AIG1: variants seen among roughly 807,000 people sequenced by gnomAD.
AIG1 encodes androgen-induced gene 1 protein.
In AIG1, 23 loss-of-function variants were observed where a neutral mutation model predicts 31.4. That is an observed-to-expected ratio of 0.73 (90% confidence interval 0.53 to 1.04). The LOEUF (loss-of-function observed/expected upper bound fraction) is 1.04. Ranked by LOEUF, AIG1 falls within the 50% of genes least tolerant of loss-of-function variation. The pLI is 0.00. For synonymous variants in AIG1, 100 were observed against 110.5 expected, an observed-to-expected ratio of 0.90 and a Z score of 0.60; for missense variants, 274 against 295.0, an observed-to-expected ratio of 0.93 and a Z score of 0.52.
chr6:143,261,990 G>A (rs1403693282), intron 3 of AIG1, among the ~76,000 whole-genome samples: 1 of 152,216 alleles, frequency 6.6e-6, no homozygotes, highest in Non-Finnish European at 1.5e-5. Flanking sequence ...TGAGTTATGA[G>A]AGAGAGTATC....
chr6:143,198,359 T>G (rs1231465617), intron 3 of AIG1, among the ~76,000 whole-genome samples: 3 of 152,244 alleles, frequency 2.0e-5, no homozygotes, highest in Non-Finnish European at 4.4e-5. Context: ...AGTTAATGTC[T>G]GCTGATCACC....
chr6:143,239,334 G>A (rs950820875), intron 3 of AIG1, among the ~76,000 whole-genome samples: 2 of 152,222 alleles, frequency 1.3e-5, no homozygotes, highest in Non-Finnish European at 2.9e-5. Flanking sequence ...ATATTTCTGA[G>A]CAGATATTAA....
rs1777231267 is a variant in AIG1, at chr6:143,333,345, A to G, written c.579A>G (p.Pro193=). 1 of 1,613,966 alleles carries G rather than the reference A, an allele frequency of 6.2e-7. No individual in the cohort carries two copies. Among genetic ancestry groups the G allele is most frequent in the African/African-American group, 1.3e-5 (1 of 75,038 alleles). Residue 193 remains proline (P), a synonymous_variant, in exon 5 of 6, where the codon CCA becomes CCG. Coordinates refer to ENST00000357847, the MANE Select transcript of AIG1 (RefSeq NM_016108.4). This position sits in a 1 kb window ranked among gnomAD's most constrained non-coding sequence, Gnocchi z 4.6. ...ACCCTTTCCTGGAACACATTGGCCC[A>G]GGAGCCAGAATCATCTTCTTTGGGT... is the stretch of plus-strand genomic sequence containing the variant. ...WVYPFLEHIG[P]GARIIFFGST... is the part of the protein sequence containing the mutation.
chr6:143,322,334 G>A (rs1383073649), intron 4 of AIG1, among the ~76,000 whole-genome samples: 1 of 152,178 alleles, frequency 6.6e-6, no homozygotes, highest in Non-Finnish European at 1.5e-5. Context: ...ATGATTTTCT[G>A]TTGTGGAATT....
At chr6:143,266,446 T>TTA (rs1377699332) in intron 3 of AIG1, among the ~76,000 whole-genome samples, 1 of 151,984 alleles carries the variant, frequency 6.6e-6, no homozygotes, top group Admixed American at 6.6e-5. Context: ...TCAGGGATAC[T>TTA]TACTGTATTA....
chr6:143,268,950 T>G lies in AIG1; in HGVS notation c.400-15160T>G, dbSNP rs1409540648. Reference sequence around the variant, plus strand: ...GTGGCAGCCCTCATCCCATAACTGGTCCATGCTGGGGTATAAAGACCTGAC... The same window carrying G: ...GTGGCAGCCCTCATCCCATAACTGGGCCATGCTGGGGTATAAAGACCTGAC... On this transcript the variant is annotated intron_variant, in intron 3 of 5. Transcript: ENST00000357847. The surrounding 1 kb of genome is among the most constrained non-coding windows in gnomAD (Gnocchi z 5.0). Among the ~76,000 whole-genome samples, 1 of 152,158 alleles carries G rather than the reference T, an allele frequency of 6.6e-6. No homozygotes were observed. Among genetic ancestry groups the G allele is most frequent in the Non-Finnish European group, 1.5e-5 (1 of 68,028 alleles).
intron 4 of AIG1, among the ~76,000 whole-genome samples, chr6:143,294,314 T>G (rs1249162733): frequency 6.6e-6 from 1 of 152,278 alleles, no homozygotes; most frequent in East Asian, 1.9e-4. Context: ...ATTTCCCTAC[T>G]CACAGCTGAG....
rs566685902 is a variant in AIG1, at chr6:143,297,836, T to C, written c.515+13611T>C. 6.6e-6 allele frequency among the ~76,000 whole-genome samples: 1 copy of C among 152,324 alleles called. No homozygotes were observed. Among genetic ancestry groups the C allele is most frequent in the Non-Finnish European group, 1.5e-5 (1 of 68,022 alleles). ...AATAGTTTATTTTTTCCAGTTTGGG[T>C]ATTTTTTTTTCTTTCTGGTAGCACT... On this transcript the variant is annotated intron_variant, in intron 4 of 5. Transcript: ENST00000357847. This position sits in a 1 kb window ranked among gnomAD's most constrained non-coding sequence, Gnocchi z 5.1.
At chr6:143,112,836 A>AT (rs1781407573) in intron 1 of AIG1, among the ~76,000 whole-genome samples, 1 of 152,204 alleles carries the variant, frequency 6.6e-6, no homozygotes, top group Non-Finnish European at 1.5e-5. Flanking sequence ...TGCATGGGAG[A>AT]TAAAATATTA....
chr6:143,198,978 A>G (rs1790478410), intron 3 of AIG1, among the ~76,000 whole-genome samples: 1 of 152,156 alleles, frequency 6.6e-6, no homozygotes, highest in South Asian at 2.1e-4. Context: ...TACAAATAAG[A>G]AAGATCCAAA....
chr6:143,190,267 A>G, intron 3 of AIG1: 1 of 985,490 alleles, frequency 1.0e-6, no homozygotes, highest in Non-Finnish European at 1.2e-6. Flanking sequence ...AATATCATGG[A>G]TCACAGATTG....
Position 143,166,329 on chromosome 6 carries a change from A to G in AIG1, c.399+1146A>G, listed in dbSNP as rs1291775221. Among the ~76,000 whole-genome samples the G allele has an allele frequency of 2.6e-5, 4 of 152,158 alleles. 1 individual carries two copies. Among genetic ancestry groups the G allele is most frequent in the Admixed American group, 1.3e-4 (2 of 15,274 alleles). On this transcript the variant is annotated intron_variant, in intron 3 of 5. Transcript: ENST00000357847. ...AATTTAGCCATCCACGGGGCCTGGC[A>G]TGGTTACTATGGCCTTCTCCAACTT...
At chr6:143,263,786 T>C (rs1795969717) in intron 3 of AIG1, among the ~76,000 whole-genome samples, 1 of 152,222 alleles carries the variant, frequency 6.6e-6, no homozygotes, top group African/African-American at 2.4e-5. Context: ...GGATATATCT[T>C]ACTTGAAAAA....
intron 2 of AIG1, among the ~76,000 whole-genome samples, chr6:143,149,185 A>G (rs1784960202): frequency 6.6e-6 from 1 of 152,270 alleles, no homozygotes; most frequent in East Asian, 1.9e-4. Flanking sequence ...ATCTATGTAC[A>G]TGAGGCCTGA....
At chr6:143,223,720 T>C (rs1792710677) in intron 3 of AIG1, among the ~76,000 whole-genome samples, 2 of 152,206 alleles carry the variant, frequency 1.3e-5, no homozygotes, top group African/African-American at 4.8e-5. Context: ...TTAAACAGAC[T>C]CTCACTTGAA....
At chr6:143,282,473 A>G (rs1378115199) in intron 3 of AIG1, among the ~76,000 whole-genome samples, 1 of 152,212 alleles carries the variant, frequency 6.6e-6, no homozygotes, top group Non-Finnish European at 1.5e-5. Context: ...GATTATAATG[A>G]AAAACCAATA....
intron 3 of AIG1, among the ~76,000 whole-genome samples, chr6:143,254,609 C>A (rs1795245489): frequency 1.3e-5 from 2 of 152,154 alleles, no homozygotes; most frequent in Non-Finnish European, 2.9e-5. Flanking sequence ...CCTACCCCCG[C>A]AAGTCACTGA....
rs112182654 is a variant in AIG1 at position 143,136,759 on chromosome 6, C to T, written c.142-76C>T. ...TTCTTATTAGATGTCATGTTGTACA[C>T]CAGCAGCTCATTTGCTGTTCCACAG... is the stretch of plus-strand genomic sequence containing the variant. On this transcript the variant is annotated intron_variant, in intron 1 of 5. Coordinates refer to ENST00000357847, the MANE Select transcript of AIG1 (RefSeq NM_016108.4). 792 of 1,236,522 alleles carry T rather than the reference C, an allele frequency of 6.4e-4. 7 individuals are homozygous for T. In the African/African-American group the frequency reaches 0.011, roughly 18 times the overall value. 76.6% of individuals were successfully genotyped at this position (1,236,522 alleles called of 1,614,324 possible). A position where few individuals can be genotyped will look rare whatever the true frequency, so the allele number is the denominator to read the frequency against.
Position 143,146,627 on chromosome 6 carries a change from T to G in AIG1, c.297+9637T>G, listed in dbSNP as rs150236741. Among the ~76,000 whole-genome samples the G allele has an allele frequency of 3.5e-3, 529 of 152,246 alleles. 4 individuals are homozygous for G. The highest frequency in any genetic ancestry group is 0.012 in the African/African-American group (495 of 41,540). On this transcript the variant is annotated intron_variant, in intron 2 of 5. Coordinates refer to ENST00000357847, the MANE Select transcript of AIG1 (RefSeq NM_016108.4). ...TTTCTATGTAGAAAAGGAAACTAACTTATTGGCTGTGTGGGTGATCCTGAA... is the reference window on the plus strand; with the variant it reads ...TTTCTATGTAGAAAAGGAAACTAACGTATTGGCTGTGTGGGTGATCCTGAA...
Sources: gnomAD v4.1 joint callset for allele counts (sites outside exome capture counted in the v4.1 genomes callset) on GRCh38, gnomAD v4.1.1 for gene constraint, Gnocchi (gnomAD v3.1) non-coding constraint, MANE v1.5 for transcripts, NCBI Gene and HGNC (gene_info 2026-07-23, HGNC 2026-07-21) for gene names.